Variants in B4GALT5 observed in about 807,000 individuals in gnomAD.
B4GALT5 encodes the protein beta-1,4-galactosyltransferase 5.
B4GALT5 carries 11 observed loss-of-function variants against 45.0 expected under a neutral mutation model. The observed-to-expected ratio is 0.24, with a 90% CI of 0.15 to 0.40. The LOEUF (loss-of-function observed/expected upper bound fraction) is 0.40, where lower values mean the gene tolerates loss of function less well. B4GALT5 is among the 10% of genes least tolerant of loss of function. The pLI is 1.00. For synonymous variants in B4GALT5, 185 were observed against 182.9 expected (o/e 1.01, Z -0.09); for missense variants, 337 against 500.2 (o/e 0.67, Z 3.11).
Position 49,657,784 on chromosome 20 carries a change from T to G in B4GALT5, c.116-1082A>C, listed in dbSNP as rs536946949. 1.1e-4 allele frequency among the ~76,000 whole-genome samples: 16 copies of G among 152,278 alleles called. 2 individuals carry two copies. In the South Asian group the frequency reaches 3.3e-3, roughly 32 times the overall value. On this transcript the variant is annotated intron_variant, in intron 1 of 8. Coordinates refer to ENST00000371711, the MANE Select transcript of B4GALT5 (RefSeq NM_004776.4). ...ACAAAACACTTGGCTGACATTAGGT[T>G]TCATCACTATTAAAGCAGTATCCTG...
rs1465743109 is a variant in B4GALT5 at position 49,635,206 on chromosome 20, G to A, written c.*1106C>T. The A allele has an allele frequency of 1.3e-5, 2 of 152,342 alleles. No homozygotes were observed. Among genetic ancestry groups the A allele is most frequent in the East Asian group, 1.9e-4 (1 of 5,198 alleles). The allele number at this position is 152,342 out of a possible 1,614,324, so 9.4% of individuals were successfully genotyped here. A position where few individuals can be genotyped will look rare whatever the true frequency, so the allele number is the denominator to read the frequency against. ...TCCACAAGAGAAAAAGTAAGAGGGG[G>A]AGGGATTCCCATACACACCCCCGCC... On this transcript the variant is annotated 3_prime_UTR_variant, in exon 9 of 9. Coordinates refer to ENST00000371711, the MANE Select transcript of B4GALT5 (RefSeq NM_004776.4).
rs2085543608 is a variant in B4GALT5, at chr20:49,634,796, G to A, written c.*1516C>T. On this transcript the variant is annotated 3_prime_UTR_variant, in exon 9 of 9. Coordinates refer to ENST00000371711, the MANE Select transcript of B4GALT5 (RefSeq NM_004776.4). ...GTGGGAAAATGGCTTGAGCCTAGGAGATGGAGGCTGCAGTGAGCTGTGATC... is the reference window on the plus strand; with the variant it reads ...GTGGGAAAATGGCTTGAGCCTAGGAAATGGAGGCTGCAGTGAGCTGTGATC... The A allele has an allele frequency of 6.6e-6, 1 of 152,388 alleles. No individual in the cohort carries two copies. Among genetic ancestry groups the A allele is most frequent in the Non-Finnish European group, 1.5e-5 (1 of 68,170 alleles). The allele number at this position is 152,388 out of a possible 1,614,324, so 9.4% of individuals were successfully genotyped here.
At chr20:49,700,811 C>CAA (rs2085858526) in intron 1 of B4GALT5, among the ~76,000 whole-genome samples, 1 of 152,170 alleles carries the variant, frequency 6.6e-6, no homozygotes, top group Non-Finnish European at 1.5e-5. Context: ...TCACGCCACT[C>CAA]AGAATGGTGC....
chr20:49,675,779 G>A (rs2085734789), intron 1 of B4GALT5, among the ~76,000 whole-genome samples: 1 of 152,076 alleles, frequency 6.6e-6, no homozygotes, highest in Non-Finnish European at 1.5e-5. Flanking sequence ...TCAGCAACTG[G>A]CTAATATTTG....
chr20:49,657,024 T>A (rs764092107), intron 1 of B4GALT5, among the ~76,000 whole-genome samples: 22 of 152,108 alleles, frequency 1.4e-4, no homozygotes, highest in Non-Finnish European at 2.9e-4. Context: ...GAAAGACCTT[T>A]ATGAATTAGT....
intron 1 of B4GALT5, among the ~76,000 whole-genome samples, chr20:49,708,740 G>A (rs1425231979): frequency 6.6e-6 from 1 of 152,134 alleles, no homozygotes; most frequent in Non-Finnish European, 1.5e-5. Context: ...GAGGTCAGGA[G>A]TTCAAGACCA....
chr20:49,699,661 AT>A (rs1007535026), intron 1 of B4GALT5, among the ~76,000 whole-genome samples: 1 of 152,230 alleles, frequency 6.6e-6, no homozygotes, highest in Non-Finnish European at 1.5e-5. Context: ...TAAAAGGAAA[AT>A]AAACTTGGGG....
chr20:49,669,372 T>A (rs2085705874), intron 1 of B4GALT5, among the ~76,000 whole-genome samples: 1 of 152,196 alleles, frequency 6.6e-6, no homozygotes, highest in East Asian at 1.9e-4. Context: ...CATCAACTTC[T>A]GATAAATAGT....
At chr20:49,700,082 C>T (rs562222534) in intron 1 of B4GALT5, among the ~76,000 whole-genome samples, 1 of 152,294 alleles carries the variant, frequency 6.6e-6, no homozygotes, top group South Asian at 2.1e-4. Flanking sequence ...CTATCTACCA[C>T]GCCTTCCTAA....
intron 1 of B4GALT5, among the ~76,000 whole-genome samples, chr20:49,679,989 C>G (rs1169018328): frequency 6.6e-6 from 1 of 152,152 alleles, no homozygotes; most frequent in South Asian, 2.1e-4. Flanking sequence ...TCACTAAATA[C>G]ATTTATCACA....
chr20:49,705,350 GA>G (rs2085879569), intron 1 of B4GALT5, among the ~76,000 whole-genome samples: 2 of 152,270 alleles, frequency 1.3e-5, no homozygotes, highest in Admixed American at 6.5e-5. Flanking sequence ...ACATCCCAAA[GA>G]TATTTCCAAA....
intron 1 of B4GALT5, among the ~76,000 whole-genome samples, chr20:49,692,604 G>T (rs547956893): frequency 6.6e-6 from 1 of 152,328 alleles, no homozygotes; most frequent in Non-Finnish European, 1.5e-5. Flanking sequence ...CTCAGTTGTA[G>T]TGCTGGCATT....
rs77024610 is a variant in B4GALT5, at chr20:49,679,406, T to A, written c.116-22704A>T. ...CAATACCGAAAGTTAGTTAAACAAA[T>A]ACCTTGTTTCCCAGCACTTTGGGAG... On this transcript the variant is annotated intron_variant, in intron 1 of 8. Transcript: ENST00000371711. 8.8e-3 allele frequency among the ~76,000 whole-genome samples: 1,330 copies of A among 151,922 alleles called. 13 individuals carry two copies. Among genetic ancestry groups the A allele is most frequent in the African/African-American group, 0.03 (1,262 of 41,422 alleles).
rs71339446 is a variant in B4GALT5, at chr20:49,665,440, G to GTAATAA, written c.116-8744_116-8739dup. ...AAAAAGGGGGGGTGGGGGGGTAGTAGTAATAATAATAATAATAATAATAAT... is the reference window on the plus strand; with the variant it reads ...AAAAAGGGGGGGTGGGGGGGTAGTAGTAATAATAATAATAATAATAATAATAATAAT... On this transcript the variant is annotated intron_variant, in intron 1 of 8. Coordinates refer to ENST00000371711, the MANE Select transcript of B4GALT5 (RefSeq NM_004776.4). Among the ~76,000 whole-genome samples, 639 of 95,020 alleles carry GTAATAA rather than the reference G, an allele frequency of 6.7e-3. 5 individuals are homozygous for GTAATAA. The highest frequency in any genetic ancestry group is 0.012 in the African/African-American group (298 of 24,106). The allele number at this position is 95,020 out of a possible 152,430, so 62.3% of individuals were successfully genotyped here. A position where few individuals can be genotyped will look rare whatever the true frequency, so the allele number is the denominator to read the frequency against.
At chr20:49,650,544 G>A (rs1262038200) in intron 2 of B4GALT5, among the ~76,000 whole-genome samples, 3 of 151,722 alleles carry the variant, frequency 2.0e-5, no homozygotes. Context: ...GGCTGAGGAA[G>A]GAGAATCGCT....
Position 49,713,667 on chromosome 20 carries a change from C to T in B4GALT5, c.24G>A (p.Leu8=), listed in dbSNP as rs1316613161. 6.5e-6 allele frequency: 10 copies of T among 1,538,476 alleles called. No individual in the cohort carries two copies. Among genetic ancestry groups the T allele is most frequent in the Non-Finnish European group, 8.8e-6 (10 of 1,141,922 alleles). MRARRGL[L]RLPRRSLLAA... ...CGAGCAGCGAGCGGCGCGGCAGCCG[C>T]AGCAGCCCCCGGCGGGCGCGCATGC... Residue 8 remains leucine, a synonymous_variant, in exon 1 of 9, where the codon CTG becomes CTA. Coordinates refer to ENST00000371711, the MANE Select transcript of B4GALT5 (RefSeq NM_004776.4).
chr20:49,637,131 C>T (rs569539211), intron 8 of B4GALT5, among the ~76,000 whole-genome samples: 6 of 152,262 alleles, frequency 3.9e-5, no homozygotes, highest in South Asian at 2.1e-4. Flanking sequence ...TGATTTCCTT[C>T]GAAGAATCTT....
At position 49,661,035 on chromosome 20, in the gene B4GALT5, A is replaced by G. The variant is rs550943724; in HGVS notation, c.116-4333T>C. ...GGCCTAAAGTAGGAAGTACATATGC[A>G]TACACATGTTGCTTTCAATCTAAAT... On this transcript the variant is annotated intron_variant, in intron 1 of 8. Coordinates refer to ENST00000371711, the MANE Select transcript of B4GALT5 (RefSeq NM_004776.4). 1.3e-3 allele frequency among the ~76,000 whole-genome samples: 205 copies of G among 152,316 alleles called. 1 individual carries two copies. Among genetic ancestry groups the G allele is most frequent in the African/African-American group, 4.5e-3 (187 of 41,572 alleles).
chr20:49,686,698 T>C (rs531083865), intron 1 of B4GALT5, among the ~76,000 whole-genome samples: 4 of 113,102 alleles, frequency 3.5e-5, no homozygotes, highest in South Asian at 2.8e-4. Context: ...CTATGTTGCA[T>C]AGGCAACATA....
Sources: gnomAD v4.1 joint callset for allele counts (sites outside exome capture counted in the v4.1 genomes callset) on GRCh38, gnomAD v4.1.1 for gene constraint, MANE v1.5 for transcripts, NCBI Gene and HGNC (gene_info 2026-07-23, HGNC 2026-07-21) for gene names.